PNPLA8: variants seen among roughly 807,000 people sequenced by gnomAD.
PNPLA8 encodes the protein calcium-independent phospholipase A2-gamma.
PNPLA8 carries 39 observed loss-of-function variants against 76.9 expected under a neutral mutation model. That is an observed-to-expected ratio of 0.51 (90% CI 0.39 to 0.66). PNPLA8 has a LOEUF of 0.66. Among genes scored for constraint, PNPLA8 ranks in the 30% least tolerant of loss-of-function variants. The pLI is 0.00. For synonymous variants in PNPLA8, 301 were observed against 307.9 expected (o/e 0.98, Z 0.24); for missense variants, 887 against 918.0 (o/e 0.97, Z 0.44).
intron 7 of PNPLA8, among the ~76,000 whole-genome samples, chr7:108,493,488 T>C (rs1861333936): frequency 6.7e-6 from 1 of 149,752 alleles, no homozygotes; most frequent in Admixed American, 6.7e-5. Flanking sequence ...CACTGCAAGC[T>C]CCACCTCCCA....
intron 4 of PNPLA8, among the ~76,000 whole-genome samples, chr7:108,507,046 A>C (rs1862485425): frequency 6.6e-6 from 1 of 152,154 alleles, no homozygotes; most frequent in African/African-American, 2.4e-5. Context: ...TAGATCATAG[A>C]AACAGGCTCG....
At chr7:108,524,909 G>C (rs1863976289) in intron 1 of PNPLA8, among the ~76,000 whole-genome samples, 1 of 151,990 alleles carries the variant, frequency 6.6e-6, no homozygotes, top group South Asian at 2.1e-4. Context: ...TGCAGCTTCA[G>C]CACAACCCCT....
At chr7:108,497,899 C>T (rs994834491) in intron 5 of PNPLA8, among the ~76,000 whole-genome samples, 3 of 150,808 alleles carry the variant, frequency 2.0e-5, no homozygotes, top group African/African-American at 7.3e-5. Context: ...GGCAGTGGCT[C>T]ATTCTTGTAA....
chr7:108,493,464 C>T (rs1861332177), intron 7 of PNPLA8, among the ~76,000 whole-genome samples: 2 of 151,476 alleles, frequency 1.3e-5, no homozygotes, highest in Non-Finnish European at 2.9e-5. Flanking sequence ...GACTGGAGTG[C>T]AGTGGTCTCA....
intron 1 of PNPLA8, among the ~76,000 whole-genome samples, chr7:108,522,201 G>T (rs1331901015): frequency 6.6e-6 from 1 of 150,560 alleles, no homozygotes; most frequent in Non-Finnish European, 1.5e-5. Context: ...GGCTGAGGCA[G>T]AAGAATCACT....
chr7:108,513,360 A>T (rs2154516609), intron 4 of PNPLA8, among the ~76,000 whole-genome samples: 1 of 152,248 alleles, frequency 6.6e-6, no homozygotes. Flanking sequence ...ACAATACACA[A>T]GTAAGGATGG....
At chr7:108,476,428 C>G (rs1489086783) in intron 10 of PNPLA8, among the ~76,000 whole-genome samples, 4 of 152,062 alleles carry the variant, frequency 2.6e-5, no homozygotes, top group African/African-American at 7.2e-5. Context: ...GAATCAAAAC[C>G]ACAATGAGAT....
rs6466238 is a variant in PNPLA8, at chr7:108,471,122, G to A, written c.*1279C>T. The A allele has an allele frequency of 0.29, 43,898 of 151,588 alleles. 6,735 individuals carry two copies. The highest frequency in any genetic ancestry group is 0.35 in the African/African-American group (14,541 of 41,324). 9.4% of individuals were successfully genotyped at this position (151,588 alleles called of 1,614,324 possible). A position where few individuals can be genotyped will look rare whatever the true frequency, so the allele number is the denominator to read the frequency against. ...CAATAAAGATGAGTTTGTTTGGCATGAACAATGTTCCATGTAAGTGCATCT... is the reference window on the plus strand; with the variant it reads ...CAATAAAGATGAGTTTGTTTGGCATAAACAATGTTCCATGTAAGTGCATCT... On this transcript the variant is annotated 3_prime_UTR_variant, in exon 11 of 11. Coordinates refer to ENST00000257694, the MANE Select transcript of PNPLA8 (RefSeq NM_001256007.3).
chr7:108,514,244 G>A lies in PNPLA8; in HGVS notation c.1106C>T (p.Ala369Val). Residue 369 changes from alanine (A) to valine (V), a missense_variant, in exon 4 of 11, where the codon GCA becomes GTA. Coordinates refer to ENST00000257694, the MANE Select transcript of PNPLA8 (RefSeq NM_001256007.3). ...CTTTGGGTCAGTTGTTCTTCTTAAT[G>A]CCTGAACTAATGCCCGGGTCCTGTT... is the stretch of plus-strand genomic sequence containing the variant. The part of the protein sequence containing the change: ...IDNRTRALVQ[A>V]LRRTTDPKLC... 1 of 1,610,584 alleles carries A rather than the reference G, an allele frequency of 6.2e-7. No homozygotes were observed.
At position 108,496,655 on chromosome 7, in the gene PNPLA8, G is replaced by C. The variant is rs758248611; in HGVS notation, c.1554C>G (p.Val518=). The C allele has an allele frequency of 6.2e-7, 1 of 1,612,194 alleles. No individual in the cohort carries two copies. The change falls in exon 7 of 11, where the codon GTC becomes GTG. Residue 518 remains valine (V), a synonymous_variant. Coordinates refer to ENST00000257694, the MANE Select transcript of PNPLA8 (RefSeq NM_001256007.3). ...AACTCATTTTTACTGTTCCAACAAT[G>C]ACATTTTGTGAAAATACATCTGATC... is the stretch of plus-strand genomic sequence containing the variant. ...KLGSDVFSQN[V]IVGTVKMSWS...
At chr7:108,499,449 C>A (rs1289093204) in intron 5 of PNPLA8, among the ~76,000 whole-genome samples, 1 of 152,178 alleles carries the variant, frequency 6.6e-6, no homozygotes, top group African/African-American at 2.4e-5. Flanking sequence ...TTTTTTCTCT[C>A]AATCCCTCAT....
chr7:108,519,641 CT>C (rs1863599630), intron 2 of PNPLA8, among the ~76,000 whole-genome samples: 1 of 152,174 alleles, frequency 6.6e-6, no homozygotes, highest in African/African-American at 2.4e-5. Flanking sequence ...CCTGCCTTGT[CT>C]TCCAGGCTGA....
At chr7:108,479,767 A>G (rs1860265161) in intron 9 of PNPLA8, among the ~76,000 whole-genome samples, 1 of 152,218 alleles carries the variant, frequency 6.6e-6, no homozygotes, top group South Asian at 2.1e-4. Context: ...CACAAGTCAA[A>G]TAAAACCAAA....
intron 9 of PNPLA8, among the ~76,000 whole-genome samples, chr7:108,484,627 A>C (rs1284907012): frequency 1.3e-5 from 2 of 152,086 alleles, no homozygotes; most frequent in Admixed American, 6.6e-5. Context: ...TCCCTAATCA[A>C]TGACCCATTT....
intron 4 of PNPLA8, among the ~76,000 whole-genome samples, chr7:108,504,874 C>G (rs147350205): frequency 3.3e-5 from 5 of 151,890 alleles, no homozygotes; most frequent in African/African-American, 9.7e-5. Context: ...GTTGGGAGTT[C>G]GAGACCAGCC....
chr7:108,478,603 G>A (rs887108898), intron 10 of PNPLA8, among the ~76,000 whole-genome samples: 8 of 152,202 alleles, frequency 5.3e-5, no homozygotes, highest in Non-Finnish European at 1.2e-4. Flanking sequence ...CACTGATCAG[G>A]CTGGTCTCAA....
chr7:108,518,951 C>T (rs1040320898), intron 2 of PNPLA8, among the ~76,000 whole-genome samples: 3 of 150,862 alleles, frequency 2.0e-5, no homozygotes, highest in African/African-American at 7.3e-5. Context: ...TTTCTAGTGT[C>T]TGAATTATTT....
chr7:108,496,372 C>G (rs970282078), intron 7 of PNPLA8: 3 of 377,554 alleles, frequency 7.9e-6, no homozygotes, highest in Non-Finnish European at 1.4e-5. Flanking sequence ...ATGCAAATCT[C>G]ACACACACAA....
intron 4 of PNPLA8, among the ~76,000 whole-genome samples, chr7:108,509,461 T>C (rs1598945279): frequency 6.7e-6 from 1 of 149,032 alleles, no homozygotes; most frequent in Non-Finnish European, 1.5e-5. Context: ...GAAATGCAAA[T>C]CAAAACCACA....
Sources: gnomAD v4.1 joint callset for allele counts (sites outside exome capture counted in the v4.1 genomes callset) on GRCh38, gnomAD v4.1.1 for gene constraint, MANE v1.5 for transcripts, NCBI Gene and HGNC (gene_info 2026-07-23, HGNC 2026-07-21) for gene names.